The following NEDD4L variants were observed in gnomAD, a reference collection of about 807,000 sequenced individuals.
NEDD4L encodes the protein NEDD4 like E3 ubiquitin protein ligase.
Under a neutral mutation model 148.9 loss-of-function variants are expected in NEDD4L, and 54 were observed. That is an observed-to-expected ratio of 0.36 (90% CI 0.29 to 0.45). NEDD4L has a LOEUF of 0.45. Among genes scored for constraint, NEDD4L ranks in the 20% least tolerant of loss-of-function variants. NEDD4L has a pLI of 1.00. For synonymous variants in NEDD4L, 433 were observed against 440.7 expected (o/e 0.98, Z 0.22); for missense variants, 856 against 1,233.8 (o/e 0.69, Z 4.59).
intron 2 of NEDD4L, among the ~76,000 whole-genome samples, chr18:58,168,806 T>C (rs1050668561): frequency 6.6e-6 from 1 of 152,196 alleles, no homozygotes; most frequent in Admixed American, 6.5e-5. Context: ...AGAAATCCTG[T>C]AGACAATGAT....
At chr18:58,319,612 C>T (rs958342440) in intron 6 of NEDD4L, among the ~76,000 whole-genome samples, 4 of 152,304 alleles carry the variant, frequency 2.6e-5, no homozygotes, top group Admixed American at 1.3e-4. Context: ...GGAGCACCCT[C>T]AAAGCCATCC....
In NEDD4L at chr18:58,330,766, A is replaced by G. The variant is rs549070916; in HGVS notation, c.842A>G (p.Asn281Ser). The G allele has an allele frequency of 1.2e-6, 2 of 1,607,086 alleles. No homozygotes were observed. Among genetic ancestry groups the G allele is most frequent in the South Asian group, 1.1e-5 (1 of 90,170 alleles). Residue 281 changes from asparagine to serine, a missense_variant, in exon 11 of 31, where the codon AAT becomes AGT. Physicochemically the swap from Asn to Ser is conservative, Grantham distance 46 (BLOSUM62 1). Coordinates refer to ENST00000400345, the MANE Select transcript of NEDD4L (RefSeq NM_001144967.3). ...TGGGAGACCATTTCAGAGGAAGTGA[A>G]TATCGCTGGAGACTCTCTCGGTCTG... ...EPWETISEEV[N>S]IAGDSLGLAL...
At chr18:58,241,677 A>G in intron 2 of NEDD4L, among the ~76,000 whole-genome samples, 1 of 151,946 alleles carries the variant, frequency 6.6e-6, no homozygotes, top group East Asian at 1.9e-4. Flanking sequence ...CTCTGTCACA[A>G]TCATGTTTTC....
chr18:58,243,995 CTT>C (rs1460070461), intron 2 of NEDD4L, among the ~76,000 whole-genome samples: 1 of 152,030 alleles, frequency 6.6e-6, no homozygotes, highest in Non-Finnish European at 1.5e-5. Context: ...ATTTTTCAGA[CTT>C]TTGATTTTTT....
In NEDD4L at chr18:58,049,400, C is replaced by A. The variant is rs547857869; in HGVS notation, c.48+4692C>A. 1.5e-4 allele frequency among the ~76,000 whole-genome samples: 23 copies of A among 152,316 alleles called. 1 individual carries two copies. In the South Asian group the frequency reaches 4.6e-3, roughly 30 times the overall value. Reference sequence around the variant, plus strand: ...TGGGAAACCCTATGTGCCATCTTTGCAGCTGTGCAAAACGGTGAGGACAAG... The same window carrying A: ...TGGGAAACCCTATGTGCCATCTTTGAAGCTGTGCAAAACGGTGAGGACAAG... On this transcript the variant is annotated intron_variant, in intron 1 of 30. Coordinates refer to ENST00000400345, the MANE Select transcript of NEDD4L (RefSeq NM_001144967.3).
rs2043371626 is a variant in NEDD4L, at chr18:58,348,326, C to CTTTTTTTTCTTTTT, written c.1576-1203_1576-1202insCTTTTTTTTTTTTT. Among the ~76,000 whole-genome samples the CTTTTTTTTCTTTTT allele has an allele frequency of 6.7e-4, 59 of 88,644 alleles. 2 individuals are homozygous for CTTTTTTTTCTTTTT. The highest frequency in any genetic ancestry group is 3.0e-3 in the African/African-American group (56 of 18,522). The allele number at this position is 88,644 out of a possible 152,430, so 58.2% of individuals were successfully genotyped here. A position where few individuals can be genotyped will look rare whatever the true frequency, so the allele number is the denominator to read the frequency against. ...CACTGCATTTCTTTTTCTTTTTTTTCTTTTTTTTTTTTTTTTTTTTTTTGA... is the reference window on the plus strand; with the variant it reads ...CACTGCATTTCTTTTTCTTTTTTTTCTTTTTTTTCTTTTTTTTTTTTTTTTTTTTTTTTTTTTGA... On this transcript the variant is annotated intron_variant, in intron 16 of 30. Transcript: ENST00000400345.
chr18:58,328,922 G>C (rs763963449), intron 9 of NEDD4L, 73 bp from the exon 10 acceptor site: 14 of 1,567,028 alleles, frequency 8.9e-6, no homozygotes, highest in Non-Finnish European at 1.2e-5. Flanking sequence ...CCCTCCGTGA[G>C]CATTGAACTG....
chr18:58,047,422 G>T (rs562338597), intron 1 of NEDD4L: 6 of 985,256 alleles, frequency 6.1e-6, no homozygotes, highest in East Asian at 2.3e-4. Flanking sequence ...ATGAAGCATT[G>T]CATGAACCCA....
intron 20 of NEDD4L, among the ~76,000 whole-genome samples, chr18:58,365,339 A>G (rs2045975399): frequency 6.6e-6 from 1 of 151,120 alleles, no homozygotes; most frequent in African/African-American, 2.5e-5. Flanking sequence ...GCTCTCACAT[A>G]GCAGTGTCTG....
chr18:58,353,874 A>C (rs560891001), intron 18 of NEDD4L, among the ~76,000 whole-genome samples: 3 of 152,184 alleles, frequency 2.0e-5, no homozygotes, highest in Non-Finnish European at 4.4e-5. Flanking sequence ...AATTGCTTAG[A>C]GTCATCTTGT....
intron 2 of NEDD4L, among the ~76,000 whole-genome samples, chr18:58,189,121 C>T (rs1215873269): frequency 6.6e-6 from 1 of 152,176 alleles, no homozygotes; most frequent in Non-Finnish European, 1.5e-5. Context: ...AAATTGTTCT[C>T]TAAAGAAACC....
rs563730815 is a variant in NEDD4L at position 58,389,171 on chromosome 18, C to T, written c.2634C>T (p.Pro878=). ...AGAACGGCTACTGCCCAAACCACCC[C>T]GTCATTCAGTGGTTCTGGAAGGTAA... ...IYKNGYCPNH[P]VIQWFWKAVL... The change falls in exon 28 of 31, where the codon CCC becomes CCT. Residue 878 remains proline, a synonymous_variant. Coordinates refer to ENST00000400345, the MANE Select transcript of NEDD4L (RefSeq NM_001144967.3). The T allele has an allele frequency of 1.9e-5, 30 of 1,613,410 alleles. 1 individual carries two copies. The highest frequency in any genetic ancestry group is 9.3e-5 in the African/African-American group (7 of 75,036).
intron 2 of NEDD4L, among the ~76,000 whole-genome samples, chr18:58,205,733 TA>T (rs77359355): frequency 1.2e-3 from 171 of 143,836 alleles, no homozygotes; most frequent in Non-Finnish European, 1.6e-3. Context: ...CATTATTGTT[TA>T]AAAAAAAAAA....
chr18:58,071,517 C>A (rs1371644773), intron 1 of NEDD4L, among the ~76,000 whole-genome samples: 1 of 151,842 alleles, frequency 6.6e-6, no homozygotes, highest in African/African-American at 2.4e-5. Flanking sequence ...GTCTGAACAG[C>A]AAAAATAAAA....
intron 3 of NEDD4L, among the ~76,000 whole-genome samples, chr18:58,246,143 C>A (rs1320398288): frequency 1.3e-5 from 2 of 152,046 alleles, no homozygotes; most frequent in Non-Finnish European, 2.9e-5. Flanking sequence ...CTGAAAATGT[C>A]ATAAGTTGTA....
intron 2 of NEDD4L, among the ~76,000 whole-genome samples, chr18:58,240,514 TAATGGC>T (rs1350262497): frequency 6.6e-6 from 1 of 152,172 alleles, no homozygotes; most frequent in Admixed American, 6.5e-5. Flanking sequence ...GCCCCGTGTG[TAATGGC>T]ACAATTTGTC....
chr18:58,143,493 G>A (rs925496613), intron 1 of NEDD4L, among the ~76,000 whole-genome samples: 1 of 152,222 alleles, frequency 6.6e-6, no homozygotes, highest in Non-Finnish European at 1.5e-5. Context: ...CAGGCTCTGG[G>A]ACAAGCTATA....
chr18:58,195,274 G>C (rs2040529127), intron 2 of NEDD4L: 1 of 484,160 alleles, frequency 2.1e-6, no homozygotes, highest in Admixed American at 3.8e-5. Context: ...AACTTCCCTG[G>C]TGTTGTTTTG....
intron 2 of NEDD4L, among the ~76,000 whole-genome samples, chr18:58,207,136 A>G (rs1422614505): frequency 6.6e-6 from 1 of 152,218 alleles, no homozygotes; most frequent in Admixed American, 6.5e-5. Context: ...GTGCTTGAAA[A>G]AGATACAAGG....
Sources: allele counts gnomAD v4.1 joint callset (sites outside exome capture counted in the v4.1 genomes callset), GRCh38; gene constraint gnomAD v4.1.1; transcripts MANE v1.5; gene names NCBI Gene and HGNC (gene_info 2026-07-23, HGNC 2026-07-21).